Variants in CTR9 observed in about 807,000 individuals in gnomAD.
CTR9 encodes CTR9 component of Paf1/RNA polymerase II complex.
In CTR9, 41 loss-of-function variants were observed where a neutral mutation model predicts 152.1. The ratio of observed to expected loss-of-function variants is 0.27; its 90% confidence interval spans 0.21 to 0.35. CTR9 has a LOEUF of 0.35. Among genes scored for constraint, CTR9 ranks in the 10% least tolerant of loss-of-function variants. The probability of loss-of-function intolerance (pLI) is 1.00; values close to 1 mark genes in which losing one functional copy is unlikely to be tolerated. For synonymous variants in CTR9, 476 were observed against 496.2 expected (o/e 0.96, Z 0.54); for missense variants, 917 against 1,424.4 (o/e 0.64, Z 5.73).
At chr11:10,765,397 T>C (rs1430319253) in intron 12 of CTR9, among the ~76,000 whole-genome samples, 1 of 152,170 alleles carries the variant, frequency 6.6e-6, no homozygotes, top group African/African-American at 2.4e-5. Flanking sequence ...GTTTTTGTAC[T>C]TTCTTTAAAA....
At position 10,769,848 on chromosome 11, in the gene CTR9, G is replaced by A. The variant is rs571259150; in HGVS notation, c.2110-362G>A. On this transcript the variant is annotated intron_variant, in intron 16 of 24. Coordinates refer to ENST00000361367, the MANE Select transcript of CTR9 (RefSeq NM_014633.5). The stretch of plus-strand genomic sequence containing the variant: ...TTAAGAAAGGTGTAGATGGTAAAAC[G>A]CAAAGGACAACGGTGTATGACTTCT... Among the ~76,000 whole-genome samples the A allele has an allele frequency of 5.9e-5, 9 of 152,016 alleles. No homozygotes were observed. In the East Asian group the frequency reaches 7.7e-4, roughly 13 times the overall value.
rs918022518 is a variant in CTR9, at chr11:10,751,294, C to A, written c.-119C>A. On this transcript the variant is annotated 5_prime_UTR_variant, in exon 1 of 25. Coordinates refer to ENST00000361367, the MANE Select transcript of CTR9 (RefSeq NM_014633.5). ...GGAGAAGCCAGAGCTCCAGCGGCGCCGCGGGGCGGCAGTCAAGACCAGAGC... is the reference window on the plus strand; with the variant it reads ...GGAGAAGCCAGAGCTCCAGCGGCGCAGCGGGGCGGCAGTCAAGACCAGAGC... 1 of 1,078,054 alleles carries A rather than the reference C, an allele frequency of 9.3e-7. No homozygotes were observed. The highest frequency in any genetic ancestry group is 1.4e-6 in the Non-Finnish European group (1 of 718,768). The allele number at this position is 1,078,054 out of a possible 1,614,324, so 66.8% of individuals were successfully genotyped here.
chr11:10,766,623 G>C, intron 13 of CTR9, 133 bp downstream of exon 13: 1 of 626,580 alleles, frequency 1.6e-6, no homozygotes, highest in Non-Finnish European at 2.7e-6. Context: ...TTACTTGTTA[G>C]ATACTAAAAA....
intron 3 of CTR9, 27 bp from the exon 4 acceptor site, chr11:10,755,651 A>T: frequency 6.8e-7 from 1 of 1,461,276 alleles, no homozygotes; most frequent in Non-Finnish European, 9.6e-7. Context: ...ATAGGGGTAA[A>T]ATCTAAGATA....
At chr11:10,775,400 A>G (rs1451166518) in intron 23 of CTR9, 97 bp downstream of exon 23, 2 of 1,397,028 alleles carry the variant, frequency 1.4e-6, no homozygotes, top group African/African-American at 2.9e-5. Flanking sequence ...CTCAAGCACA[A>G]ATGCTTGTTT....
rs574272777 is a variant in CTR9, at chr11:10,761,970, C to A, written c.765C>A (p.Val255=). Residue 255 remains valine, a synonymous_variant, in exon 7 of 25, where the codon GTC becomes GTA. Transcript: ENST00000361367. ...NKEADSIKNG[V]QLLSRAYTID... is the part of the protein sequence containing the mutation. ...AGGCTGATTCCATTAAAAATGGTGTCCAGCTTCTTTCCAGAGCCTATACTA... is the reference window on the plus strand; with the variant it reads ...AGGCTGATTCCATTAAAAATGGTGTACAGCTTCTTTCCAGAGCCTATACTA... The A allele has an allele frequency of 6.2e-7, 1 of 1,608,682 alleles. No homozygotes were observed. Among genetic ancestry groups the A allele is most frequent in the Admixed American group, 1.7e-5 (1 of 59,010 alleles).
chr11:10,764,260 G>A lies in CTR9; in HGVS notation c.1285-48G>A, dbSNP rs114490107. 5.9e-4 allele frequency: 956 copies of A among 1,613,568 alleles called. 11 individuals are homozygous for A. The African/African-American group carries it at 0.012, about 20-fold the overall frequency. ...ATGTGTTTTTTGTAAGCCTGGTGTA[G>A]TGTCTCTCTTCCACTTACACCTTTT... On this transcript the variant is annotated intron_variant, in intron 10 of 24. Transcript: ENST00000361367.
intron 5 of CTR9, 129 bp downstream of exon 5, chr11:10,756,967 T>G (rs1450191466): frequency 5.5e-6 from 4 of 724,730 alleles, no homozygotes; most frequent in Non-Finnish European, 9.4e-6. Flanking sequence ...ATCAAGTTTT[T>G]TTTTTGATGC....
chr11:10,776,576 G>A (rs1590029189), intron 24 of CTR9, among the ~76,000 whole-genome samples: 2 of 152,298 alleles, frequency 1.3e-5, no homozygotes, highest in African/African-American at 2.4e-5. Flanking sequence ...CATCGAGTGT[G>A]TGAGACAGTG....
In CTR9 at chr11:10,770,504, C is replaced by G; in HGVS notation, c.2244C>G (p.Pro748=). Residue 748 remains proline, a synonymous_variant, in exon 18 of 25, where the codon CCC becomes CCG. Coordinates refer to ENST00000361367, the MANE Select transcript of CTR9 (RefSeq NM_014633.5). ...ATTCACAGGCTAGACATGTGGCACC[C>G]AGTGATACAGTTCTTATGTTTAATG... ...QTLLKARHVA[P]SDTVLMFNVA... is the part of the protein sequence containing the mutation. The G allele has an allele frequency of 1.2e-6, 2 of 1,612,894 alleles. No individual in the cohort carries two copies. The highest frequency in any genetic ancestry group is 1.7e-6 in the Non-Finnish European group (2 of 1,179,646).
chr11:10,752,799 A>G (rs921439546), intron 2 of CTR9, 29 bp downstream of exon 2: 1 of 1,539,930 alleles, frequency 6.5e-7, no homozygotes, highest in Non-Finnish European at 9.0e-7. Flanking sequence ...AATATTTTTT[A>G]TTTGTTGACT....
At chr11:10,764,266 C>G (rs765377774) in intron 10 of CTR9, 42 bp from the exon 11 acceptor site, 11 of 1,613,752 alleles carry the variant, frequency 6.8e-6, no homozygotes, top group African/African-American at 1.3e-5. Context: ...TGTAGTGTCT[C>G]TCTTCCACTT....
At chr11:10,757,002 G>A (rs1210383452) in intron 5 of CTR9, among the ~76,000 whole-genome samples, 164 bp downstream of exon 5, 1 of 152,210 alleles carries the variant, frequency 6.6e-6, no homozygotes, top group Non-Finnish European at 1.5e-5. Flanking sequence ...AAGCTGGATA[G>A]TAAGGCCAGG....
intron 5 of CTR9, among the ~76,000 whole-genome samples, chr11:10,759,704 T>C (rs1422498083): frequency 1.3e-5 from 2 of 152,186 alleles, no homozygotes; most frequent in African/African-American, 4.8e-5. Context: ...TAGTGACCAG[T>C]ATGGTGATTG....
chr11:10,761,760 T>A lies in CTR9; in HGVS notation c.742-187T>A, dbSNP rs190787413. Among the ~76,000 whole-genome samples the A allele has an allele frequency of 2.8e-3, 423 of 152,068 alleles. 1 individual carries two copies. The highest frequency in any genetic ancestry group is 9.4e-3 in the African/African-American group (389 of 41,500). On this transcript the variant is annotated intron_variant, in intron 6 of 24. Coordinates refer to ENST00000361367, the MANE Select transcript of CTR9 (RefSeq NM_014633.5). Reference sequence around the variant, plus strand: ...GGGAAAAAAGTGACACACAAAAAAATTAAGGATTAAAAGAGAGATTTAATT... The same window carrying A: ...GGGAAAAAAGTGACACACAAAAAAAATAAGGATTAAAAGAGAGATTTAATT...
chr11:10,771,684 C>T (rs1337938026), intron 19 of CTR9, 68 bp downstream of exon 19: 2 of 1,123,374 alleles, frequency 1.8e-6, no homozygotes, highest in South Asian at 1.2e-5. Context: ...TGGGAAAGTG[C>T]CACAGTAGGG....
chr11:10,779,313 T>G lies in CTR9; in HGVS notation c.*208T>G, dbSNP rs1170903779. The G allele has an allele frequency of 1.9e-6, 1 of 534,828 alleles. No individual in the cohort carries two copies. Among genetic ancestry groups the G allele is most frequent in the Admixed American group, 3.5e-5 (1 of 28,376 alleles). 33.1% of individuals were successfully genotyped at this position (534,828 alleles called of 1,614,324 possible). A position where few individuals can be genotyped will look rare whatever the true frequency, so the allele number is the denominator to read the frequency against. On this transcript the variant is annotated 3_prime_UTR_variant, in exon 25 of 25. Coordinates refer to ENST00000361367, the MANE Select transcript of CTR9 (RefSeq NM_014633.5). ...GTCTCTCGTGCAAATGAGACTATTC[T>G]TTGTGGTACAATTCCACCTATCATA... is the stretch of plus-strand genomic sequence containing the variant.
rs1217775662 is a variant in CTR9 at position 10,766,457 on chromosome 11, A to G, written c.1653A>G (p.Ser551=). ...ARDKGNFYEA[S]DWFKEALQIN... is the part of the protein sequence containing the mutation. ...ATAAGGGAAACTTTTATGAGGCTTC[A>G]GATTGGTTTAAGGAAGCTCTTCAGA... Residue 551 remains serine (S), a synonymous_variant, in exon 13 of 25, where the codon TCA becomes TCG. Transcript: ENST00000361367. 3 of 1,610,908 alleles carry G rather than the reference A, an allele frequency of 1.9e-6. No individual in the cohort carries two copies. The Admixed American group carries it at 5.1e-5, about 27-fold the overall frequency.
rs1258622956 is a variant in CTR9, at chr11:10,768,112, A to G, written c.1911A>G (p.Lys637=). The G allele has an allele frequency of 1.2e-6, 2 of 1,614,082 alleles. No homozygotes were observed. Among genetic ancestry groups the G allele is most frequent in the African/African-American group, 1.3e-5 (1 of 75,052 alleles). ...RHQDRALAIY[K]QVLRNDAKNL... ...AAGATCGTGCTCTGGCCATCTACAA[A>G]CAAGTACTCAGAAATGATGCAAAGA... Residue 637 remains lysine (K), a synonymous_variant, in exon 15 of 25, where the codon AAA becomes AAG. Coordinates refer to ENST00000361367, the MANE Select transcript of CTR9 (RefSeq NM_014633.5).
Sources: gnomAD v4.1 joint callset for allele counts (sites outside exome capture counted in the v4.1 genomes callset) on GRCh38, gnomAD v4.1.1 for gene constraint, MANE v1.5 for transcripts, NCBI Gene and HGNC (gene_info 2026-07-23, HGNC 2026-07-21) for gene names.